Variants in PIANP observed in about 807,000 individuals in gnomAD.
The protein encoded by PIANP is PILR alpha associated neural protein, also known as PILR alpha-associated neural protein.
In PIANP, 14 loss-of-function variants were observed where a neutral mutation model predicts 28.9. The ratio of observed to expected loss-of-function variants is 0.49; its 90% confidence interval spans 0.32 to 0.76. PIANP has a LOEUF of 0.76. PIANP is among the 30% of genes least tolerant of loss of function. PIANP has a pLI of 0.03. For synonymous variants in PIANP, 149 were observed against 156.6 expected, an observed-to-expected ratio of 0.95 and a Z score of 0.36; for missense variants, 322 against 371.8, an observed-to-expected ratio of 0.87 and a Z score of 1.10.
rs1299201423 is a variant in PIANP, at chr12:6,696,215, C to T, written c.605+228G>A. Among the ~76,000 whole-genome samples the T allele has an allele frequency of 1.3e-5, 2 of 152,148 alleles. No individual in the cohort carries two copies. Among genetic ancestry groups the T allele is most frequent in the African/African-American group, 2.4e-5 (1 of 41,428 alleles). On this transcript the variant is annotated intron_variant, in intron 4 of 4. Transcript: ENST00000534837. The surrounding 1 kb of genome is among the most constrained non-coding windows in gnomAD (Gnocchi z 4.0). ...TCACCAGGAATGCACAGGAATAATT[C>T]CCCTGCCCTCCCTTATCCTTGTATT...
rs1959800552 is a variant in PIANP at position 6,694,859 on chromosome 12, G to A, written c.*567C>T. 2 of 728,172 alleles carry A rather than the reference G, an allele frequency of 2.7e-6. No individual in the cohort carries two copies. Among genetic ancestry groups the A allele is most frequent in the South Asian group, 5.5e-5 (2 of 36,686 alleles). 45.1% of individuals were successfully genotyped at this position (728,172 alleles called of 1,614,324 possible). A position where few individuals can be genotyped will look rare whatever the true frequency, so the allele number is the denominator to read the frequency against. On this transcript the variant is annotated 3_prime_UTR_variant, in exon 5 of 5. Transcript: ENST00000534837. This position sits in a 1 kb window ranked among gnomAD's most constrained non-coding sequence, Gnocchi z 6.1. The stretch of plus-strand genomic sequence containing the variant: ...CAGATATGTGAGGCCCCCACCTGCA[G>A]GAGGGCGAGCAGATAGGATTGCCCG...
rs1261510199 is a variant in PIANP, at chr12:6,700,216, C to T, written c.-44+398G>A. The T allele has an allele frequency of 6.6e-6, 1 of 152,254 alleles. No homozygotes were observed. The highest frequency in any genetic ancestry group is 1.5e-5 in the Non-Finnish European group (1 of 68,136). 9.4% of individuals were successfully genotyped at this position (152,254 alleles called of 1,614,324 possible). A position where few individuals can be genotyped will look rare whatever the true frequency, so the allele number is the denominator to read the frequency against. On this transcript the variant is annotated intron_variant, in intron 1 of 4. Coordinates refer to ENST00000534837, the MANE Select transcript of PIANP (RefSeq NM_001244014.2). The surrounding 1 kb of genome is among the most constrained non-coding windows in gnomAD (Gnocchi z 5.5). ...CGGGCCCCAGCCCCAGCGTGGCCCC[C>T]ATCCCACCCATCCCGCAGGCCCGCA...
Position 6,696,903 on chromosome 12 carries a change from C to G in PIANP, c.524-379G>C, listed in dbSNP as rs1959882008. Among the ~76,000 whole-genome samples the G allele has an allele frequency of 6.6e-6, 1 of 152,174 alleles. No individual in the cohort carries two copies. On this transcript the variant is annotated intron_variant, in intron 3 of 4. Transcript: ENST00000534837. This position sits in a 1 kb window ranked among gnomAD's most constrained non-coding sequence, Gnocchi z 4.0. The stretch of plus-strand genomic sequence containing the variant: ...ATCAGCACTCCCTGAGCCAAGACAT[C>G]TCCCGGGTAGTGCCCTTCATTCATG...
chr12:6,699,884 AG>A (rs1425865979), intron 1 of PIANP: 1 of 152,274 alleles, frequency 6.6e-6, no homozygotes, highest in African/African-American at 2.4e-5. Flanking sequence ...AGGGAGAGAG[AG>A]GGGAAAGGAA....
At chr12:6,692,545 C>T (rs1959725673), downstream of PIANP, among the ~76,000 whole-genome samples, 1 of 152,218 alleles carries the variant, frequency 6.6e-6, no homozygotes, top group Middle Eastern at 3.2e-3. Context: ...ATCCATGCCT[C>T]ATCCTGTACC....
Position 6,697,302 on chromosome 12 carries a change from C to T in PIANP, c.508G>A (p.Gly170Arg), listed in dbSNP as rs749295458. 1.2e-5 allele frequency: 20 copies of T among 1,613,802 alleles called. No homozygotes were observed. Among genetic ancestry groups the T allele is most frequent in the African/African-American group, 5.3e-5 (4 of 74,928 alleles). The change falls in exon 3 of 5, where the codon GGG (glycine) becomes AGG (arginine). Residue 170 changes from glycine to arginine, a missense_variant. Physicochemically the swap from Gly to Arg is moderately radical, Grantham distance 125. Coordinates refer to ENST00000534837, the MANE Select transcript of PIANP (RefSeq NM_001244014.2). This position sits in a 1 kb window ranked among gnomAD's most constrained non-coding sequence, Gnocchi z 6.9. The stretch of plus-strand genomic sequence containing the variant: ...TCCCACTCACCTTCCCCACGGCCCC[C>T]GAACAGGAATGGCCGCAGGGTGGCA... The part of the protein sequence containing the change: ...APATLRPFLF[G>R]GRGEGVDPQL...
rs755156882 is a variant in PIANP at position 6,697,246 on chromosome 12, C to T, written c.523+41G>A. On this transcript the variant is annotated intron_variant, in intron 3 of 4. Coordinates refer to ENST00000534837, the MANE Select transcript of PIANP (RefSeq NM_001244014.2). The surrounding 1 kb of genome is among the most constrained non-coding windows in gnomAD (Gnocchi z 6.9). ...TCTGCCCCTTGGTGTCTTCACCCAG[C>T]CTCCCCATCCGTCATATCCCTCCCA... The T allele has an allele frequency of 1.9e-6, 3 of 1,601,450 alleles. No homozygotes were observed. The highest frequency in any genetic ancestry group is 1.8e-5 in the Admixed American group (1 of 55,388).
chr12:6,695,396 C>T lies in PIANP; in HGVS notation c.*30G>A. 6.9e-7 allele frequency: 1 copy of T among 1,450,398 alleles called. No individual in the cohort carries two copies. Among genetic ancestry groups the T allele is most frequent in the African/African-American group, 1.4e-5 (1 of 69,858 alleles). The allele number at this position is 1,450,398 out of a possible 1,614,324, so 89.8% of individuals were successfully genotyped here. On this transcript the variant is annotated 3_prime_UTR_variant, in exon 5 of 5. Coordinates refer to ENST00000534837, the MANE Select transcript of PIANP (RefSeq NM_001244014.2). The surrounding 1 kb of genome is among the most constrained non-coding windows in gnomAD (Gnocchi z 4.2). ...TCTGAAGACCTAAGTTGCCTTCCCT[C>T]TTTGCCCTCCCATCCCATTGCCCCT...
rs61742689 is a variant in PIANP, at chr12:6,694,631, C to T, written c.*795G>A. 1,928 of 179,048 alleles carry T rather than the reference C, an allele frequency of 0.011. 34 individuals are homozygous for T. Among genetic ancestry groups the T allele is most frequent in the African/African-American group, 0.04 (1,724 of 42,636 alleles). The allele number at this position is 179,048 out of a possible 1,614,324, so 11.1% of individuals were successfully genotyped here. A position where few individuals can be genotyped will look rare whatever the true frequency, so the allele number is the denominator to read the frequency against. On this transcript the variant is annotated 3_prime_UTR_variant, in exon 5 of 5. Transcript: ENST00000534837. The surrounding 1 kb of genome is among the most constrained non-coding windows in gnomAD (Gnocchi z 6.1). ...CATGAGAGGTAAAGTGTGCAGGAAA[C>T]GCTGACCACTGAGTGAGCTGAGCAC...
At chr12:6,698,581 C>T (rs1396138652) in intron 1 of PIANP, 2 of 149,670 alleles carry the variant, frequency 1.3e-5, no homozygotes, top group African/African-American at 5.3e-5. Context: ...TCTGGCAGTG[C>T]CAGGCATTTG....
In PIANP at chr12:6,695,225, A is replaced by G; in HGVS notation, c.*201T>C. 1 of 1,435,290 alleles carries G rather than the reference A, an allele frequency of 7.0e-7. No individual in the cohort carries two copies. The highest frequency in any genetic ancestry group is 2.0e-4 in the Middle Eastern group (1 of 5,060). 88.9% of individuals were successfully genotyped at this position (1,435,290 alleles called of 1,614,324 possible). A position where few individuals can be genotyped will look rare whatever the true frequency, so the allele number is the denominator to read the frequency against. ...GCAGAGTTGGAGTTATGGGCAGCAG[A>G]GAATAGGACACAGATCCTGAGAGAC... On this transcript the variant is annotated 3_prime_UTR_variant, in exon 5 of 5. Transcript: ENST00000534837. The surrounding 1 kb of genome is among the most constrained non-coding windows in gnomAD (Gnocchi z 4.2).
Position 6,697,112 on chromosome 12 carries a change from G to A in PIANP, c.523+175C>T, listed in dbSNP as rs1959888461. ...CTCCTCTCCAAGTCCTTTCATGTCTGTCTGCTCCAGTGGACCTGAACTCCG... is the reference window on the plus strand; with the variant it reads ...CTCCTCTCCAAGTCCTTTCATGTCTATCTGCTCCAGTGGACCTGAACTCCG... On this transcript the variant is annotated intron_variant, in intron 3 of 4. Transcript: ENST00000534837. This position sits in a 1 kb window ranked among gnomAD's most constrained non-coding sequence, Gnocchi z 6.9. 6.6e-6 allele frequency among the ~76,000 whole-genome samples: 1 copy of A among 152,164 alleles called. No individual in the cohort carries two copies. Among genetic ancestry groups the A allele is most frequent in the Non-Finnish European group, 1.5e-5 (1 of 68,046 alleles).
In PIANP at chr12:6,695,654, G is replaced by T; in HGVS notation, c.606-3C>A. On this transcript the variant is annotated splice_region_variant and splice_polypyrimidine_tract_variant and intron_variant, in intron 4 of 4. Transcript: ENST00000534837. This position sits in a 1 kb window ranked among gnomAD's most constrained non-coding sequence, Gnocchi z 4.2. ...GTCGCTTCTGGCTGCGGTCCCAGCT[G>T]GGGTACCAGAGGAAAAGAGGTTCTC... 1 of 1,502,144 alleles carries T rather than the reference G, an allele frequency of 6.7e-7. No individual in the cohort carries two copies. The highest frequency in any genetic ancestry group is 8.9e-7 in the Non-Finnish European group (1 of 1,122,860). The allele number at this position is 1,502,144 out of a possible 1,614,324, so 93.1% of individuals were successfully genotyped here.
In PIANP at chr12:6,697,296, G is replaced by A; in HGVS notation, c.514C>T (p.Arg172Cys). The change falls in exon 3 of 5, where the codon CGT (arginine) becomes TGT (cysteine). Residue 172 changes from arginine (R) to cysteine (C), a missense_variant. Coordinates refer to ENST00000534837, the MANE Select transcript of PIANP (RefSeq NM_001244014.2). This position sits in a 1 kb window ranked among gnomAD's most constrained non-coding sequence, Gnocchi z 6.9. ...ATLRPFLFGG[R>C]GEGVDPQLYV... ...AGCCTTTCCCACTCACCTTCCCCACGGCCCCCGAACAGGAATGGCCGCAGG... is the reference window on the plus strand; with the variant it reads ...AGCCTTTCCCACTCACCTTCCCCACAGCCCCCGAACAGGAATGGCCGCAGG... The A allele has an allele frequency of 3.7e-6, 6 of 1,613,598 alleles. No individual in the cohort carries two copies. The highest frequency in any genetic ancestry group is 5.1e-6 in the Non-Finnish European group (6 of 1,179,758).
chr12:6,697,927 C>G lies in PIANP; in HGVS notation c.17+118G>C. On this transcript the variant is annotated intron_variant, in intron 2 of 4. Coordinates refer to ENST00000534837, the MANE Select transcript of PIANP (RefSeq NM_001244014.2). This position sits in a 1 kb window ranked among gnomAD's most constrained non-coding sequence, Gnocchi z 6.9. ...GCCTTGGGAAGACTCGCCTCATTTCCCATCTTCCAAAGGAGGATGGCCCTC... is the reference window on the plus strand; with the variant it reads ...GCCTTGGGAAGACTCGCCTCATTTCGCATCTTCCAAAGGAGGATGGCCCTC... 2 of 1,517,598 alleles carry G rather than the reference C, an allele frequency of 1.3e-6. No homozygotes were observed. The highest frequency in any genetic ancestry group is 1.8e-6 in the Non-Finnish European group (2 of 1,121,826). 94.0% of individuals were successfully genotyped at this position (1,517,598 alleles called of 1,614,324 possible).
rs748489223 is a variant in PIANP, at chr12:6,695,039, C to G, written c.*387G>C. ...CTGCACCCCAACATTGGGGGCATCA[C>G]AGATTCACCAGGGGAATCCTGAGAG... is the stretch of plus-strand genomic sequence containing the variant. On this transcript the variant is annotated 3_prime_UTR_variant, in exon 5 of 5. Coordinates refer to ENST00000534837, the MANE Select transcript of PIANP (RefSeq NM_001244014.2). The surrounding 1 kb of genome is among the most constrained non-coding windows in gnomAD (Gnocchi z 4.2). 33 of 1,569,280 alleles carry G rather than the reference C, an allele frequency of 2.1e-5. No homozygotes were observed. The highest frequency in any genetic ancestry group is 2.7e-5 in the Non-Finnish European group (31 of 1,156,676).
Position 6,695,506 on chromosome 12 carries a change from C to A in PIANP, c.751G>T (p.Asp251Tyr). 1 of 1,554,816 alleles carries A rather than the reference C, an allele frequency of 6.4e-7. No individual in the cohort carries two copies. The highest frequency in any genetic ancestry group is 8.7e-7 in the Non-Finnish European group (1 of 1,149,940). ...AFGDSPTPTPDHEEPRGGPRP... is the reference protein window; with the variant it reads ...AFGDSPTPTPYHEEPRGGPRP... ...GGTCCCCCTCGGGGCTCCTCATGGT[C>A]AGGGGTGGGGGTAGGTGAGTCCCCG... Residue 251 changes from aspartate (D) to tyrosine (Y), a missense_variant, in exon 5 of 5, where the codon GAC becomes TAC. Physicochemically the swap from Asp to Tyr is radical, Grantham distance 160. Transcript: ENST00000534837. This position sits in a 1 kb window ranked among gnomAD's most constrained non-coding sequence, Gnocchi z 4.2.
rs1482079765 is a variant in PIANP at position 6,695,825 on chromosome 12, C to G, written c.606-174G>C. On this transcript the variant is annotated intron_variant, in intron 4 of 4. Coordinates refer to ENST00000534837, the MANE Select transcript of PIANP (RefSeq NM_001244014.2). This position sits in a 1 kb window ranked among gnomAD's most constrained non-coding sequence, Gnocchi z 4.2. Reference sequence around the variant, plus strand: ...CCCTGGGACTCTGTGCCCATAAAGCCACTTCCCCTGCCCTCTAGGGGAGCT... The same window carrying G: ...CCCTGGGACTCTGTGCCCATAAAGCGACTTCCCCTGCCCTCTAGGGGAGCT... 6.6e-6 allele frequency among the ~76,000 whole-genome samples: 1 copy of G among 152,144 alleles called. No homozygotes were observed. Among genetic ancestry groups the G allele is most frequent in the Non-Finnish European group, 1.5e-5 (1 of 68,008 alleles).
In PIANP at chr12:6,695,209, G is replaced by T; in HGVS notation, c.*217C>A. 6.9e-7 allele frequency: 1 copy of T among 1,451,624 alleles called. No homozygotes were observed. The highest frequency in any genetic ancestry group is 1.4e-5 in the African/African-American group (1 of 70,170). The allele number at this position is 1,451,624 out of a possible 1,614,324, so 89.9% of individuals were successfully genotyped here. The stretch of plus-strand genomic sequence containing the variant: ...GAAAAAACCAAAGAGGGCAGAGTTG[G>T]AGTTATGGGCAGCAGAGAATAGGAC... On this transcript the variant is annotated 3_prime_UTR_variant, in exon 5 of 5. Coordinates refer to ENST00000534837, the MANE Select transcript of PIANP (RefSeq NM_001244014.2). The surrounding 1 kb of genome is among the most constrained non-coding windows in gnomAD (Gnocchi z 4.2).
Sources: gnomAD v4.1 joint callset for allele counts (sites outside exome capture counted in the v4.1 genomes callset) on GRCh38, gnomAD v4.1.1 for gene constraint, Gnocchi (gnomAD v3.1) non-coding constraint, MANE v1.5 for transcripts, NCBI Gene and HGNC (gene_info 2026-07-23, HGNC 2026-07-21) for gene names.